The following DNAH14 variants were observed in gnomAD, a reference collection of about 807,000 sequenced individuals.
DNAH14 encodes the protein axonemal beta dynein heavy chain 14.
In DNAH14, 478 loss-of-function variants were observed where a neutral mutation model predicts 520.9. That is an observed-to-expected ratio of 0.92 (90% confidence interval 0.85 to 0.99). The LOEUF is 0.99. DNAH14 is among the 50% of genes least tolerant of loss of function. DNAH14 has a pLI of 0.00. For synonymous variants in DNAH14, 1,581 were observed against 1,757.2 expected, an observed-to-expected ratio of 0.90 and a Z score of 2.51; for missense variants, 4,831 against 5,234.5, an observed-to-expected ratio of 0.92 and a Z score of 2.38.
At chr1:225,398,437 C>A (rs41307670) in intron 84 of DNAH14, 83 bp from the exon 85 acceptor site, 54,506 of 1,467,708 alleles carry the variant, frequency 0.037, 1,140 homozygotes, top group Non-Finnish European at 0.042. Flanking sequence ...CCCTCTGGAT[C>A]GGTCGGCTCA....
intron 77 of DNAH14, 109 bp from the exon 78 acceptor site, chr1:225,374,579 A>G (rs567129646): frequency 1.1e-5 from 12 of 1,044,572 alleles, no homozygotes; most frequent in Non-Finnish European, 1.6e-5. Context: ...TATATTTTTT[A>G]AAGAGAAAAT....
chr1:225,108,028 A>T (rs113330856), intron 23 of DNAH14, among the ~76,000 whole-genome samples: 4,287 of 152,252 alleles, frequency 0.028, 183 homozygotes, highest in African/African-American at 0.097. Flanking sequence ...CATTTGAGTC[A>T]GTGGACTGGG....
At chr1:225,365,061 C>T (rs912807481) in intron 76 of DNAH14, among the ~76,000 whole-genome samples, 167 bp downstream of exon 76, 4 of 152,162 alleles carry the variant, frequency 2.6e-5, no homozygotes, top group African/African-American at 7.2e-5. Context: ...TGAGGAAGAA[C>T]ACTAAAGTAG....
chr1:225,312,943 T>C (rs1473859922), intron 60 of DNAH14, among the ~76,000 whole-genome samples: 2 of 152,240 alleles, frequency 1.3e-5, no homozygotes, highest in Non-Finnish European at 2.9e-5. Context: ...GGTATCAGGA[T>C]GATGCTGGCC....
intron 23 of DNAH14, among the ~76,000 whole-genome samples, chr1:225,103,648 A>G (rs1197022598): frequency 1.3e-5 from 2 of 152,042 alleles, no homozygotes; most frequent in Admixed American, 6.6e-5. Flanking sequence ...TTCTCTTTGA[A>G]GCAATTGTGA....
intron 1 of DNAH14, among the ~76,000 whole-genome samples, chr1:224,931,844 C>G (rs1367912022): frequency 6.6e-6 from 1 of 152,008 alleles, no homozygotes; most frequent in Non-Finnish European, 1.5e-5. Context: ...CATTTTTTAT[C>G]CATTCATCCA....
intron 21 of DNAH14, among the ~76,000 whole-genome samples, chr1:225,090,370 A>G (rs538588060): frequency 3.5e-4 from 54 of 152,326 alleles, no homozygotes; most frequent in African/African-American, 1.3e-3. Flanking sequence ...GACTACTTGT[A>G]GAAATTGACA....
At chr1:225,274,918 G>A (rs879424348) in intron 52 of DNAH14, among the ~76,000 whole-genome samples, 1 of 152,156 alleles carries the variant, frequency 6.6e-6, no homozygotes, top group Non-Finnish European at 1.5e-5. Flanking sequence ...TTAATACAAT[G>A]TGCCAAGCAC....
intron 63 of DNAH14, among the ~76,000 whole-genome samples, 134 bp from the exon 64 acceptor site, chr1:225,324,581 ACCATAATAGGCAACTTTGTACC>A (rs2094616984): frequency 6.6e-6 from 1 of 152,204 alleles, no homozygotes; most frequent in South Asian, 2.1e-4. Flanking sequence ...TTATTGTTTC[ACCATAATAGGCAACTTTGTACC>A]CCACATATAC....
Position 225,244,912 on chromosome 1 carries a change from G to T in DNAH14, c.6748+4090G>T, listed in dbSNP as rs187372924. 3.5e-3 allele frequency among the ~76,000 whole-genome samples: 535 copies of T among 152,038 alleles called. 4 individuals carry two copies. Among genetic ancestry groups the T allele is most frequent in the African/African-American group, 0.012 (518 of 41,466 alleles). ...CTAGCTTTTGAATTTGTTTGCTCTT[G>T]CTTCTCTAGTTCTTTTAATTGTGAT... is the stretch of plus-strand genomic sequence containing the variant. On this transcript the variant is annotated intron_variant, in intron 43 of 85. Transcript: ENST00000682510.
chr1:225,072,539 T>C (rs1191317839), intron 17 of DNAH14, among the ~76,000 whole-genome samples: 1 of 152,244 alleles, frequency 6.6e-6, no homozygotes, highest in Non-Finnish European at 1.5e-5. Context: ...ACTTCAGCCA[T>C]CTCAGCCTCA....
At chr1:224,989,993 A>C (rs1477004742) in intron 8 of DNAH14, among the ~76,000 whole-genome samples, 1 of 150,122 alleles carries the variant, frequency 6.7e-6, no homozygotes, top group Non-Finnish European at 1.5e-5. Context: ...TCTTTGCATG[A>C]GGAATGATGG....
chr1:225,088,479 T>C (rs986594839), intron 21 of DNAH14, among the ~76,000 whole-genome samples: 3 of 151,974 alleles, frequency 2.0e-5, no homozygotes, highest in African/African-American at 4.8e-5. Context: ...ATATGAAACA[T>C]AGGTAGAAAG....
At chr1:225,355,601 C>T (rs1267094694) in intron 73 of DNAH14, among the ~76,000 whole-genome samples, 1 of 152,128 alleles carries the variant, frequency 6.6e-6, no homozygotes, top group Non-Finnish European at 1.5e-5. Context: ...GAGACACCAG[C>T]ATTCAGACCA....
At chr1:225,066,103 T>A (rs2070852974) in intron 17 of DNAH14, among the ~76,000 whole-genome samples, 1 of 152,104 alleles carries the variant, frequency 6.6e-6, no homozygotes, top group Non-Finnish European at 1.5e-5. Context: ...ATTTCCCTAG[T>A]GATTAGTGAT....
chr1:225,147,068 T>G, intron 30 of DNAH14, 36 bp from the exon 31 acceptor site: 1 of 1,445,180 alleles, frequency 6.9e-7, no homozygotes, highest in South Asian at 1.4e-5. Flanking sequence ...ACCATTATAA[T>G]AATTTTAGTA....
At chr1:225,337,861 A>G (rs1236853184) in intron 67 of DNAH14, among the ~76,000 whole-genome samples, 200 bp from the exon 68 acceptor site, 1 of 152,184 alleles carries the variant, frequency 6.6e-6, no homozygotes, top group African/African-American at 2.4e-5. Flanking sequence ...CTTTTGTTAC[A>G]AACAATCGAA....
chr1:224,954,214 G>A (rs1161772284), intron 2 of DNAH14, among the ~76,000 whole-genome samples: 5 of 151,986 alleles, frequency 3.3e-5, no homozygotes, highest in Admixed American at 3.3e-4. Context: ...AAAGGAAAAG[G>A]ATTTAAGAAT....
At chr1:225,079,596 T>C in intron 18 of DNAH14, 48 bp downstream of exon 18, 2 of 1,420,184 alleles carry the variant, frequency 1.4e-6, no homozygotes, top group Non-Finnish European at 1.9e-6. Flanking sequence ...AAAAACTTGA[T>C]CTTAGTCTCG....
Sources: gnomAD v4.1 joint callset for allele counts (sites outside exome capture counted in the v4.1 genomes callset) on GRCh38, gnomAD v4.1.1 for gene constraint, MANE v1.5 for transcripts, NCBI Gene and HGNC (gene_info 2026-07-23, HGNC 2026-07-21) for gene names.